Variants in PLCB1 observed in about 807,000 individuals in gnomAD.
The protein encoded by PLCB1 is 1-phosphatidylinositol 4,5-bisphosphate phosphodiesterase beta-1.
A neutral mutation model predicts 161.8 loss-of-function variants in PLCB1; 46 were observed. The observed-to-expected ratio is 0.28, with a 90% CI of 0.22 to 0.36. PLCB1 has a LOEUF of 0.36. PLCB1 is among the 10% of genes least tolerant of loss of function. The probability of loss-of-function intolerance (pLI) is 1.00; values close to 1 mark genes in which losing one functional copy is unlikely to be tolerated. For synonymous variants in PLCB1, 517 were observed against 503.7 expected (o/e 1.03, Z -0.35); for missense variants, 1,016 against 1,472.5 (o/e 0.69, Z 5.07).
chr20:8,656,515 A>G (rs1421250208), intron 7 of PLCB1, among the ~76,000 whole-genome samples: 1 of 152,052 alleles, frequency 6.6e-6, no homozygotes, highest in Non-Finnish European at 1.5e-5. Flanking sequence ...TCCGGTTTCC[A>G]TGGCAGCCCA....
intron 3 of PLCB1, among the ~76,000 whole-genome samples, chr20:8,440,005 G>T (rs1980484481): frequency 1.3e-5 from 2 of 152,144 alleles, no homozygotes; most frequent in Non-Finnish European, 2.9e-5. Context: ...ACATAAGGCA[G>T]TTATACAAAA....
chr20:8,501,204 A>G (rs1353283918), intron 3 of PLCB1, among the ~76,000 whole-genome samples: 1 of 152,138 alleles, frequency 6.6e-6, no homozygotes, highest in Non-Finnish European at 1.5e-5. Context: ...ACAAGGACCA[A>G]CCTCTGCCAA....
chr20:8,135,690 G>A (rs1049065910), intron 1 of PLCB1, among the ~76,000 whole-genome samples: 1 of 152,170 alleles, frequency 6.6e-6, no homozygotes, highest in African/African-American at 2.4e-5. Flanking sequence ...GGTGTATATT[G>A]TCTGAACATC....
intron 3 of PLCB1, among the ~76,000 whole-genome samples, chr20:8,456,093 A>C (rs1600413909): frequency 6.6e-6 from 1 of 152,234 alleles, no homozygotes. Flanking sequence ...GCCAAGGGGA[A>C]CATATTATGA....
chr20:8,470,228 A>C (rs1367958822), intron 3 of PLCB1, among the ~76,000 whole-genome samples: 1 of 152,172 alleles, frequency 6.6e-6, no homozygotes, highest in Non-Finnish European at 1.5e-5. Flanking sequence ...GTAAGAACAC[A>C]TTTATGTACA....
chr20:8,143,873 A>G (rs890211793), intron 1 of PLCB1, among the ~76,000 whole-genome samples: 1 of 152,212 alleles, frequency 6.6e-6, no homozygotes, highest in Non-Finnish European at 1.5e-5. Flanking sequence ...CAACCCTGGC[A>G]CCATTGACAT....
At chr20:8,308,552 G>T (rs1984239966) in intron 2 of PLCB1, among the ~76,000 whole-genome samples, 1 of 149,208 alleles carries the variant, frequency 6.7e-6, no homozygotes, top group Non-Finnish European at 1.5e-5. Flanking sequence ...GGGAGGCAAA[G>T]GTTGCAGTGA....
At chr20:8,254,479 G>A (rs1311975786) in intron 2 of PLCB1, among the ~76,000 whole-genome samples, 1 of 151,810 alleles carries the variant, frequency 6.6e-6, no homozygotes, top group Admixed American at 6.6e-5. Context: ...TCAAAATAAG[G>A]TAATTACGAA....
At chr20:8,246,660 C>A (rs972835826) in intron 2 of PLCB1, among the ~76,000 whole-genome samples, 5 of 151,932 alleles carry the variant, frequency 3.3e-5, no homozygotes, top group African/African-American at 1.2e-4. Flanking sequence ...AATAAATTTT[C>A]TTACTACCTT....
chr20:8,617,470 G>A (rs1017464438), intron 3 of PLCB1, among the ~76,000 whole-genome samples: 1 of 152,030 alleles, frequency 6.6e-6, no homozygotes, highest in Admixed American at 6.6e-5. Context: ...AATTCAGTGA[G>A]ATCATCAGGG....
chr20:8,395,424 A>G (rs1056968672), intron 3 of PLCB1, among the ~76,000 whole-genome samples: 1 of 152,066 alleles, frequency 6.6e-6, no homozygotes, highest in Non-Finnish European at 1.5e-5. Flanking sequence ...CTCTTATATT[A>G]GTTCTGTCCT....
At chr20:8,735,030 A>G (rs1980507343) in intron 19 of PLCB1, among the ~76,000 whole-genome samples, 1 of 152,220 alleles carries the variant, frequency 6.6e-6, no homozygotes, top group Admixed American at 6.5e-5. Context: ...CACATGTATA[A>G]AGAGTTCAAG....
chr20:8,292,896 T>C (rs1423170148), intron 2 of PLCB1, among the ~76,000 whole-genome samples: 2 of 152,206 alleles, frequency 1.3e-5, no homozygotes, highest in Non-Finnish European at 2.9e-5. Context: ...TTTTTAAATC[T>C]GTTACCACTG....
At chr20:8,673,158 T>C (rs1291967991) in intron 9 of PLCB1, among the ~76,000 whole-genome samples, 3 of 147,322 alleles carry the variant, frequency 2.0e-5, no homozygotes, top group African/African-American at 7.8e-5. Context: ...ATAAATAAAG[T>C]CACATTCATG....
chr20:8,498,158 C>A (rs543086968), intron 3 of PLCB1, among the ~76,000 whole-genome samples: 1 of 152,146 alleles, frequency 6.6e-6, no homozygotes, highest in Non-Finnish European at 1.5e-5. Context: ...AGTGCAGTGG[C>A]ACGATCTCAG....
At chr20:8,236,320 C>G (rs781735683) in intron 2 of PLCB1, among the ~76,000 whole-genome samples, 2 of 151,954 alleles carry the variant, frequency 1.3e-5, no homozygotes, top group African/African-American at 4.8e-5. Context: ...GGCTTGAGGC[C>G]GGGAGTTTGA....
At chr20:8,857,575 A>G (rs1453566645) in intron 31 of PLCB1, among the ~76,000 whole-genome samples, 1 of 152,200 alleles carries the variant, frequency 6.6e-6, no homozygotes, top group African/African-American at 2.4e-5. Context: ...GTTGTATACC[A>G]AACTGTGGAA....
intron 3 of PLCB1, among the ~76,000 whole-genome samples, chr20:8,535,202 C>CAAAAAAAAAAAAAAAAAAAAAAAAAAGAA (rs11323420): frequency 1.9e-5 from 1 of 52,796 alleles, no homozygotes; most frequent in South Asian, 9.0e-4. Context: ...AGTTTATGGG[C>CAAAAAAAAAAAAAAAAAAAAAAAAAAGAA]AAAAAAAAAA....
chr20:8,543,456 G>A (rs1985413004), intron 3 of PLCB1, among the ~76,000 whole-genome samples: 2 of 152,026 alleles, frequency 1.3e-5, no homozygotes, highest in African/African-American at 2.4e-5. Context: ...CTGGCAACAG[G>A]GGATAGGCCA....
Sources: allele counts gnomAD v4.1 joint callset (sites outside exome capture counted in the v4.1 genomes callset), GRCh38; gene constraint gnomAD v4.1.1; transcripts MANE v1.5; gene names NCBI Gene and HGNC (gene_info 2026-07-23, HGNC 2026-07-21).